The following BUB3 variants were observed in gnomAD, a reference collection of about 807,000 sequenced individuals.
BUB3 encodes the protein BUB3 mitotic checkpoint protein, also known as mitotic checkpoint protein BUB3.
A neutral mutation model predicts 39.9 loss-of-function variants in BUB3; 22 were observed. The observed-to-expected ratio is 0.55, with a 90% CI of 0.39 to 0.79. The LOEUF (loss-of-function observed/expected upper bound fraction) is 0.79. BUB3 is among the 30% of genes least tolerant of loss of function. BUB3 has a pLI of 0.00. For synonymous variants in BUB3, 168 were observed against 155.1 expected, an observed-to-expected ratio of 1.08 and a Z score of -0.62; for missense variants, 303 against 415.4, an observed-to-expected ratio of 0.73 and a Z score of 2.35.
At chr10:123,163,732 G>A in intron 7 of BUB3, 88 bp from the exon 8 acceptor site, 2 of 1,228,126 alleles carry the variant, frequency 1.6e-6, no homozygotes, top group South Asian at 2.6e-5. Flanking sequence ...AAAGGGCTGT[G>A]TTTGCATTTA....
Position 123,168,611 on chromosome 10 carries a change from G to C in BUB3, c.*4776G>C, listed in dbSNP as rs955567104. The C allele has an allele frequency of 6.6e-6, 1 of 151,980 alleles. No homozygotes were observed. The highest frequency in any genetic ancestry group is 1.5e-5 in the Non-Finnish European group (1 of 67,980). 9.4% of individuals were successfully genotyped at this position (151,980 alleles called of 1,614,324 possible). A position where few individuals can be genotyped will look rare whatever the true frequency, so the allele number is the denominator to read the frequency against. On this transcript the variant is annotated 3_prime_UTR_variant, in exon 8 of 8. Transcript: ENST00000368865. ...TCGCCCAGGCTGGAGTGCAAGTGGC[G>C]CGATCTCCGCTCATTGCAAGCTCCG...
At chr10:123,160,279 A>G (rs974847592) in intron 4 of BUB3, 128 bp from the exon 5 acceptor site, 15 of 794,044 alleles carry the variant, frequency 1.9e-5, no homozygotes, top group Admixed American at 3.1e-5. Flanking sequence ...TAAAATTGTT[A>G]TCTGTGATTG....
At chr10:123,161,206 G>A (rs868099620) in intron 5 of BUB3, among the ~76,000 whole-genome samples, 2 of 152,144 alleles carry the variant, frequency 1.3e-5, no homozygotes, top group African/African-American at 4.8e-5. Context: ...TGGTGGTGTG[G>A]TCAGGTGCAA....
chr10:123,160,738 A>G (rs1181575363), intron 5 of BUB3, among the ~76,000 whole-genome samples, 173 bp downstream of exon 5: 1 of 152,068 alleles, frequency 6.6e-6, no homozygotes, highest in Non-Finnish European at 1.5e-5. Flanking sequence ...GTTAACAGGA[A>G]GTGCGTTAAC....
chr10:123,165,958 T>C lies in BUB3; in HGVS notation c.*2123T>C, dbSNP rs1301326931. ...AAGTGAAAGAATTAATATAGTATTG[T>C]TATAGGTAACCAAATTATAGTAATG... On this transcript the variant is annotated 3_prime_UTR_variant, in exon 8 of 8. Transcript: ENST00000368865. The C allele has an allele frequency of 2.0e-5, 3 of 152,162 alleles. No individual in the cohort carries two copies. Among genetic ancestry groups the C allele is most frequent in the Non-Finnish European group, 4.4e-5 (3 of 68,022 alleles). 9.4% of individuals were successfully genotyped at this position (152,162 alleles called of 1,614,324 possible). A position where few individuals can be genotyped will look rare whatever the true frequency, so the allele number is the denominator to read the frequency against.
rs531287484 is a variant in BUB3, at chr10:123,164,689, A to T, written c.*854A>T. 1 of 1,026,210 alleles carries T rather than the reference A, an allele frequency of 9.7e-7. No individual in the cohort carries two copies. Among genetic ancestry groups the T allele is most frequent in the Non-Finnish European group, 1.2e-6 (1 of 856,284 alleles). The allele number at this position is 1,026,210 out of a possible 1,614,324, so 63.6% of individuals were successfully genotyped here. On this transcript the variant is annotated 3_prime_UTR_variant, in exon 8 of 8. Coordinates refer to ENST00000368865, the MANE Select transcript of BUB3 (RefSeq NM_004725.4). ...GTTTACATATTTCTCTGACATTTAT[A>T]TAGTTCTTATGTCCATTTCAGTTGA...
intron 5 of BUB3, among the ~76,000 whole-genome samples, chr10:123,161,230 A>T (rs1844419226): frequency 6.6e-6 from 1 of 152,214 alleles, no homozygotes; most frequent in African/African-American, 2.4e-5. Context: ...GAATTTTGCA[A>T]GAGGAAAAGT....
chr10:123,156,932 G>A (rs912616686), intron 3 of BUB3, among the ~76,000 whole-genome samples: 1 of 151,854 alleles, frequency 6.6e-6, no homozygotes, highest in African/African-American at 2.4e-5. Flanking sequence ...TTTAGTAGAG[G>A]CGGGGTTTCA....
intron 3 of BUB3, among the ~76,000 whole-genome samples, chr10:123,156,941 C>G (rs944226768): frequency 3.3e-5 from 5 of 152,036 alleles, no homozygotes; most frequent in African/African-American, 9.7e-5. Flanking sequence ...GGCGGGGTTT[C>G]ACTGTGTTGT....
At chr10:123,159,019 G>A (rs563377772) in intron 4 of BUB3, among the ~76,000 whole-genome samples, 1 of 152,030 alleles carries the variant, frequency 6.6e-6, no homozygotes, top group Admixed American at 6.6e-5. Flanking sequence ...ATTATAAATC[G>A]ATCTCTTTCT....
At chr10:123,155,751 G>A (rs199506770) in intron 3 of BUB3, 24 bp downstream of exon 3, 3 of 1,608,300 alleles carry the variant, frequency 1.9e-6, no homozygotes, top group East Asian at 2.2e-5. Flanking sequence ...ATCTTTACCA[G>A]TTTGTTTTCT....
intron 7 of BUB3, 128 bp downstream of exon 7, chr10:123,162,956 G>C: frequency 1.1e-6 from 1 of 885,830 alleles, no homozygotes; most frequent in Non-Finnish European, 1.7e-6. Flanking sequence ...GGTTGGAGTT[G>C]ATGTTATCAT....
In BUB3 at chr10:123,157,744, C is replaced by T. The variant is rs930697201; in HGVS notation, c.281C>T (p.Thr94Ile). 4 of 1,591,632 alleles carry T rather than the reference C, an allele frequency of 2.5e-6. No individual in the cohort carries two copies. The Admixed American group carries it at 5.2e-5, about 21-fold the overall frequency. Residue 94 changes from threonine (T) to isoleucine (I), a missense_variant, in exon 4 of 8, where the codon ACC (threonine) becomes ATC (isoleucine). Physicochemically the swap from Thr to Ile is moderately conservative, Grantham distance 89. Transcript: ENST00000368865. ...LNTDQENLVG[T>I]HDAPIRCVEY... is the part of the protein sequence containing the mutation. The stretch of plus-strand genomic sequence containing the variant: ...TTCTCTATAGAAAATCTTGTTGGGA[C>T]CCATGATGCCCCTATCAGATGTGTT...
chr10:123,159,045 A>G (rs1339026028), intron 4 of BUB3, among the ~76,000 whole-genome samples: 1 of 152,218 alleles, frequency 6.6e-6, no homozygotes, highest in Non-Finnish European at 1.5e-5. Context: ...CTTTATTTTT[A>G]AAGTTTGGTA....
In BUB3 at chr10:123,165,293, G is replaced by A. The variant is rs1844475999; in HGVS notation, c.*1458G>A. The stretch of plus-strand genomic sequence containing the variant: ...TAAGCCCAGTTGCTGTATCTGAACA[G>A]TTTGAGCTCTTTTTGTAATATACTC... On this transcript the variant is annotated 3_prime_UTR_variant, in exon 8 of 8. Coordinates refer to ENST00000368865, the MANE Select transcript of BUB3 (RefSeq NM_004725.4). 2.3e-6 allele frequency: 1 copy of A among 442,818 alleles called. No individual in the cohort carries two copies. Among genetic ancestry groups the A allele is most frequent in the East Asian group, 3.2e-5 (1 of 30,828 alleles). The allele number at this position is 442,818 out of a possible 1,614,324, so 27.4% of individuals were successfully genotyped here.
chr10:123,158,576 C>CT (rs1844380049), intron 4 of BUB3, among the ~76,000 whole-genome samples: 1 of 152,166 alleles, frequency 6.6e-6, no homozygotes, highest in African/African-American at 2.4e-5. Context: ...TCACTTGAGT[C>CT]TATTTCCTCA....
At chr10:123,162,106 T>G in intron 5 of BUB3, 130 bp from the exon 6 acceptor site, 1 of 821,080 alleles carries the variant, frequency 1.2e-6, no homozygotes, top group East Asian at 2.4e-5. Context: ...GCCTAAACAC[T>G]TCATTAAAGC....
Position 123,164,388 on chromosome 10 carries a change from ACT to A in BUB3, c.*556_*557del, listed in dbSNP as rs1188942603. On this transcript the variant is annotated 3_prime_UTR_variant, in exon 8 of 8. Transcript: ENST00000368865. Reference sequence around the variant, plus strand: ...TTAAACAAAGCGAGGTTAAGGTTAGACTCTTGGGAATCAGCTAGTTTTCAATC... The same window carrying A: ...TTAAACAAAGCGAGGTTAAGGTTAGACTTGGGAATCAGCTAGTTTTCAATC... 1.0e-6 allele frequency: 1 copy of A among 985,516 alleles called. No homozygotes were observed. Among genetic ancestry groups the A allele is most frequent in the Non-Finnish European group, 1.2e-6 (1 of 830,136 alleles). The allele number at this position is 985,516 out of a possible 1,614,324, so 61.0% of individuals were successfully genotyped here. A position where few individuals can be genotyped will look rare whatever the true frequency, so the allele number is the denominator to read the frequency against.
Position 123,169,211 on chromosome 10 carries a change from G to A in BUB3, c.*5376G>A, listed in dbSNP as rs898274586. 11 of 152,242 alleles carry A rather than the reference G, an allele frequency of 7.2e-5. No homozygotes were observed. Among genetic ancestry groups the A allele is most frequent in the Admixed American group, 6.5e-4 (10 of 15,282 alleles). 9.4% of individuals were successfully genotyped at this position (152,242 alleles called of 1,614,324 possible). A position where few individuals can be genotyped will look rare whatever the true frequency, so the allele number is the denominator to read the frequency against. ...ACTTACGTACCTGTGGCTAAGATGC[G>A]CCTGAGCAAGTGAGGGCCAGTTAGT... is the stretch of plus-strand genomic sequence containing the variant. On this transcript the variant is annotated 3_prime_UTR_variant, in exon 8 of 8. Coordinates refer to ENST00000368865, the MANE Select transcript of BUB3 (RefSeq NM_004725.4).
Sources: gnomAD v4.1 joint callset for allele counts (sites outside exome capture counted in the v4.1 genomes callset) on GRCh38, gnomAD v4.1.1 for gene constraint, MANE v1.5 for transcripts, NCBI Gene and HGNC (gene_info 2026-07-23, HGNC 2026-07-21) for gene names.